Variants in HSPA13 observed in about 807,000 individuals in gnomAD.
The protein encoded by HSPA13 is heat shock protein family A (Hsp70) member 13.
A neutral mutation model predicts 38.8 loss-of-function variants in HSPA13; 29 were observed. The observed-to-expected ratio is 0.75, with a 90% confidence interval of 0.56 to 1.02. HSPA13 has a LOEUF of 1.02. HSPA13 is among the 50% of genes least tolerant of loss of function. The pLI, the probability that HSPA13 is intolerant of heterozygous loss-of-function variation, is 0.00. For synonymous variants in HSPA13, 192 were observed against 205.3 expected, an observed-to-expected ratio of 0.94 and a Z score of 0.56; for missense variants, 451 against 560.9, an observed-to-expected ratio of 0.80 and a Z score of 1.98.
chr21:14,382,155 T>A (rs1984185575), intron 1 of HSPA13, among the ~76,000 whole-genome samples: 1 of 152,136 alleles, frequency 6.6e-6, no homozygotes, highest in Admixed American at 6.5e-5. Flanking sequence ...TGTATTTAAG[T>A]ATGAACTAGG....
intron 2 of HSPA13, among the ~76,000 whole-genome samples, chr21:14,380,665 A>T (rs1287874852): frequency 6.6e-6 from 1 of 152,220 alleles, no homozygotes; most frequent in Non-Finnish European, 1.5e-5. Context: ...GGAAACTTTC[A>T]GAGAAGTGTA....
In HSPA13 at chr21:14,374,018, G is replaced by C. The variant is rs761698808; in HGVS notation, c.1015C>G (p.His339Asp). Residue 339 changes from histidine (H) to aspartate (D), a missense_variant, in exon 5 of 5, where the codon CAT (histidine) becomes GAT (aspartate). Physicochemically the swap from His to Asp is moderately conservative, Grantham distance 81. Coordinates refer to ENST00000285667, the MANE Select transcript of HSPA13 (RefSeq NM_006948.5). ...PKDKLSSADD[H>D]RVNSGFGRGL... ...CGTCCAAACCCACTGTTCACGCGAT[G>C]GTCATCTGCTGAGGAAAGTTTGTCT... is the stretch of plus-strand genomic sequence containing the variant. 2 of 1,614,200 alleles carry C rather than the reference G, an allele frequency of 1.2e-6. No homozygotes were observed. The highest frequency in any genetic ancestry group is 1.1e-5 in the South Asian group (1 of 91,080).
chr21:14,377,275 C>G (rs996500164), intron 3 of HSPA13, among the ~76,000 whole-genome samples: 3 of 152,078 alleles, frequency 2.0e-5, no homozygotes, highest in African/African-American at 7.2e-5. Flanking sequence ...TAGTAAGGCC[C>G]TCAATATTGG....
chr21:14,373,466 C>T lies in HSPA13; in HGVS notation c.*151G>A. The T allele has an allele frequency of 1.5e-6, 1 of 655,762 alleles. No individual in the cohort carries two copies. Among genetic ancestry groups the T allele is most frequent in the Non-Finnish European group, 2.6e-6 (1 of 390,076 alleles). 40.6% of individuals were successfully genotyped at this position (655,762 alleles called of 1,614,324 possible). On this transcript the variant is annotated 3_prime_UTR_variant, in exon 5 of 5. Coordinates refer to ENST00000285667, the MANE Select transcript of HSPA13 (RefSeq NM_006948.5). The stretch of plus-strand genomic sequence containing the variant: ...AATCTGGTCACGTCTAATCCTAAGA[C>T]AAAACACTATGTAAAATTTTCCTGT...
In HSPA13 at chr21:14,381,512, G is replaced by A. The variant is rs763079324; in HGVS notation, c.57C>T (p.Gly19=). 3.1e-6 allele frequency: 5 copies of A among 1,602,356 alleles called. No individual in the cohort carries two copies. The Admixed American group carries it at 8.4e-5, about 27-fold the overall frequency. The change falls in exon 2 of 5, where the codon GGC becomes GGT. Residue 19 remains glycine (G), a synonymous_variant. Coordinates refer to ENST00000285667, the MANE Select transcript of HSPA13 (RefSeq NM_006948.5). ...GSAVLTLLLA[G]YLAQQYLPLP... Reference sequence around the variant, plus strand: ...ATGGTAAATACTGTTGTGCCAAATAGCCGGCCAACAGGAGAGTCAAAACAG... The same window carrying A: ...ATGGTAAATACTGTTGTGCCAAATAACCGGCCAACAGGAGAGTCAAAACAG...
At chr21:14,382,585 C>T (rs986949732) in intron 1 of HSPA13, among the ~76,000 whole-genome samples, 1 of 152,124 alleles carries the variant, frequency 6.6e-6, no homozygotes, top group Admixed American at 6.5e-5. Context: ...CTACAGGCAA[C>T]ATTTCAGAAG....
chr21:14,373,774 T>C lies in HSPA13; in HGVS notation c.1259A>G (p.Glu420Gly), dbSNP rs1405480389. ...TGTGTTGGGATCTTTTCCAAAGAAC[T>C]CTTGAATGACTTGACGGATCCGAGG... ...RIPRIRQVIQEFFGKDPNTSV... is the reference protein window; with the variant it reads ...RIPRIRQVIQGFFGKDPNTSV... The change falls in exon 5 of 5, where the codon GAG becomes GGG. Residue 420 changes from glutamate (E) to glycine (G), a missense_variant. Transcript: ENST00000285667. The C allele has an allele frequency of 2.5e-6, 4 of 1,614,098 alleles. No individual in the cohort carries two copies. Among genetic ancestry groups the C allele is most frequent in the Non-Finnish European group, 3.4e-6 (4 of 1,180,044 alleles).
intron 3 of HSPA13, among the ~76,000 whole-genome samples, chr21:14,376,372 C>T (rs1023365342): frequency 2.0e-5 from 3 of 152,028 alleles, no homozygotes; most frequent in Non-Finnish European, 4.4e-5. Context: ...GAGATCGCGC[C>T]ACTGTACTCC....
rs762455922 is a variant in HSPA13, at chr21:14,378,341, A to G, written c.438T>C (p.Tyr146=). 56 of 1,614,044 alleles carry G rather than the reference A, an allele frequency of 3.5e-5. No homozygotes were observed. Among genetic ancestry groups the G allele is most frequent in the Non-Finnish European group, 4.6e-5 (54 of 1,180,000 alleles). Residue 146 remains tyrosine (Y), a synonymous_variant, in exon 3 of 5, where the codon TAT becomes TAC. Coordinates refer to ENST00000285667, the MANE Select transcript of HSPA13 (RefSeq NM_006948.5). The part of the protein sequence containing the change: ...SNETITVSPE[Y]VGSRLLLKLK... ...ACTTCAACAATAGTCGAGAGCCAAC[A>G]TATTCTGGGGACACTGTGATGGTCT...
At chr21:14,380,458 A>C (rs1984140014) in intron 2 of HSPA13, among the ~76,000 whole-genome samples, 1 of 152,080 alleles carries the variant, frequency 6.6e-6, no homozygotes, top group African/African-American at 2.4e-5. Context: ...AAAATAAATA[A>C]AAATTAATAC....
intron 3 of HSPA13, among the ~76,000 whole-genome samples, chr21:14,376,664 T>C (rs914786269): frequency 6.6e-6 from 1 of 152,226 alleles, no homozygotes; most frequent in African/African-American, 2.4e-5. Context: ...TCTCTGATTT[T>C]ACCACTTATT....
In HSPA13 at chr21:14,374,201, C is replaced by T. The variant is rs139339783; in HGVS notation, c.832G>A (p.Val278Met). ...YKQIYQTYGFVPSRKEEIHRL... is the reference protein window; with the variant it reads ...YKQIYQTYGFMPSRKEEIHRL... Reference sequence around the variant, plus strand: ...TGGATTTCCTCTTTCCTAGAGGGCACGAAGCCATATGTTTGATAGATCTGT... The same window carrying T: ...TGGATTTCCTCTTTCCTAGAGGGCATGAAGCCATATGTTTGATAGATCTGT... The change falls in exon 5 of 5, where the codon GTG (valine) becomes ATG (methionine). Residue 278 changes from valine (V) to methionine (M), a missense_variant. Transcript: ENST00000285667. 3.5e-5 allele frequency: 57 copies of T among 1,612,988 alleles called. No homozygotes were observed. In the African/African-American group the frequency reaches 4.3e-4, roughly 12 times the overall value.
intron 3 of HSPA13, among the ~76,000 whole-genome samples, chr21:14,376,607 A>C (rs1369497739): frequency 6.6e-6 from 1 of 152,174 alleles, no homozygotes; most frequent in East Asian, 1.9e-4. Context: ...GACAACATTC[A>C]AACTCTAAAG....
chr21:14,375,831 G>A lies in HSPA13; in HGVS notation c.581-12C>T. 1 of 1,607,896 alleles carries A rather than the reference G, an allele frequency of 6.2e-7. No homozygotes were observed. Among genetic ancestry groups the A allele is most frequent in the Non-Finnish European group, 8.5e-7 (1 of 1,175,728 alleles). ...CAAAATCTTCAGTCCTGTAAGATTG[G>A]TTAAGGGAAGAAAAATTCATGAGAG... On this transcript the variant is annotated splice_polypyrimidine_tract_variant and intron_variant, in intron 3 of 4. Coordinates refer to ENST00000285667, the MANE Select transcript of HSPA13 (RefSeq NM_006948.5).
chr21:14,380,573 G>A (rs1984142377), intron 2 of HSPA13, among the ~76,000 whole-genome samples: 1 of 151,968 alleles, frequency 6.6e-6, no homozygotes, highest in African/African-American at 2.4e-5. Flanking sequence ...AACCTTTCTG[G>A]TGAGCAAACC....
At position 14,372,092 on chromosome 21, in the gene HSPA13, G is replaced by C. The variant is rs1982840486; in HGVS notation, c.*1525C>G. The C allele has an allele frequency of 6.6e-6, 1 of 151,866 alleles. No homozygotes were observed. Among genetic ancestry groups the C allele is most frequent in the Non-Finnish European group, 1.5e-5 (1 of 67,892 alleles). 9.4% of individuals were successfully genotyped at this position (151,866 alleles called of 1,614,324 possible). A position where few individuals can be genotyped will look rare whatever the true frequency, so the allele number is the denominator to read the frequency against. On this transcript the variant is annotated 3_prime_UTR_variant, in exon 5 of 5. Transcript: ENST00000285667. ...TTTTTTTTAGATATGAAAAATATTA[G>C]TAACATTCAGCTTTTTACTATGAGA...
Position 14,381,514 on chromosome 21 carries a change from C to A in HSPA13, c.55G>T (p.Gly19Cys). ...GSAVLTLLLA[G>C]YLAQQYLPLP... ...GGTAAATACTGTTGTGCCAAATAGCCGGCCAACAGGAGAGTCAAAACAGCC... is the reference window on the plus strand; with the variant it reads ...GGTAAATACTGTTGTGCCAAATAGCAGGCCAACAGGAGAGTCAAAACAGCC... Residue 19 changes from glycine (G) to cysteine (C), a missense_variant, in exon 2 of 5, where the codon GGC (glycine) becomes TGC (cysteine). Gly to Cys is a radical substitution (Grantham distance 159). Transcript: ENST00000285667. 2 of 1,597,268 alleles carry A rather than the reference C, an allele frequency of 1.3e-6. No individual in the cohort carries two copies. The highest frequency in any genetic ancestry group is 1.7e-5 in the Admixed American group (1 of 59,646).
rs776554368 is a variant in HSPA13, at chr21:14,374,120, C to T, written c.913G>A (p.Ala305Thr). The T allele has an allele frequency of 5.3e-5, 85 of 1,614,002 alleles. No homozygotes were observed. In the South Asian group the frequency reaches 9.1e-4, roughly 17 times the overall value. ...VKLNLTLHQS[A>T]QLSVLLTVEE... ...ACCGTTAGTAATACTGACAACTGAG[C>T]AGATTGATGAAGAGTCAGATTTAAT... The change falls in exon 5 of 5, where the codon GCT (alanine) becomes ACT (threonine). Residue 305 changes from alanine (A) to threonine (T), a missense_variant. Coordinates refer to ENST00000285667, the MANE Select transcript of HSPA13 (RefSeq NM_006948.5).
chr21:14,381,068 G>A (rs1984155244), intron 2 of HSPA13, 135 bp downstream of exon 2: 1 of 668,848 alleles, frequency 1.5e-6, no homozygotes, highest in Non-Finnish European at 2.5e-6. Context: ...TGGAATTTCT[G>A]GTTATGTGAG....
Sources: allele counts gnomAD v4.1 joint callset (sites outside exome capture counted in the v4.1 genomes callset), GRCh38; gene constraint gnomAD v4.1.1; transcripts MANE v1.5; gene names NCBI Gene and HGNC (gene_info 2026-07-23, HGNC 2026-07-21).